Variants in BLTP2 observed in about 807,000 individuals in gnomAD.
BLTP2 encodes the protein bridge-like lipid transfer protein family member 2.
the BLTP2 span, among the ~76,000 whole-genome samples, chr17:28,630,753 G>A: frequency 3.1e-4 from 47 of 152,000 alleles, no homozygotes; most frequent in Admixed American, 3.1e-3. Flanking sequence ...CAAAGTGCTG[G>A]GATTACAGGC....
the BLTP2 span, chr17:28,634,089 G>C: frequency 6.2e-7 from 1 of 1,613,706 alleles, no homozygotes. Context: ...GATCCGAACT[G>C]TTACCAGAGG....
the BLTP2 span, among the ~76,000 whole-genome samples, chr17:28,628,717 G>A: frequency 1.3e-5 from 2 of 152,132 alleles, no homozygotes; most frequent in Non-Finnish European, 2.9e-5. Context: ...GGCAAATCAC[G>A]AGATCAGGAG....
At chr17:28,629,856 C>G in the BLTP2 span, among the ~76,000 whole-genome samples, 8 of 152,088 alleles carry the variant, frequency 5.3e-5, no homozygotes, top group African/African-American at 1.9e-4. Flanking sequence ...CTCGACTGAT[C>G]CATCTGCCTC....
At chr17:28,631,289 AG>A in the BLTP2 span, among the ~76,000 whole-genome samples, 5 of 152,214 alleles carry the variant, frequency 3.3e-5, no homozygotes, top group Non-Finnish European at 1.5e-5. Context: ...TCTGCAAGCC[AG>A]GAAGACAGCC....
chr17:28,621,534 GAA>G, the BLTP2 span: 8 of 1,500,152 alleles, frequency 5.3e-6, no homozygotes, highest in Non-Finnish European at 6.5e-6. Context: ...TAGCTCCTGG[GAA>G]AAGAGTGGCT....
At chr17:28,631,956 C>T in the BLTP2 span, 1 of 1,610,198 alleles carries the variant, frequency 6.2e-7, no homozygotes. Flanking sequence ...CAAAGGATGG[C>T]ATGAGAGGGA....
the BLTP2 span, chr17:28,620,974 C>A: frequency 6.2e-7 from 1 of 1,612,356 alleles, no homozygotes; most frequent in South Asian, 1.1e-5. Flanking sequence ...AAAAGCCTTT[C>A]AAGCCCTGAA....
At chr17:28,624,411 A>G in the BLTP2 span, 5 of 1,605,882 alleles carry the variant, frequency 3.1e-6, no homozygotes, top group Admixed American at 8.5e-5. Flanking sequence ...AATAGGAAGC[A>G]GGGAAAGGTC....
At chr17:28,624,429 C>CA in the BLTP2 span, 1 of 1,585,960 alleles carries the variant, frequency 6.3e-7, no homozygotes, top group Non-Finnish European at 8.6e-7. Flanking sequence ...GTCACAGTCT[C>CA]AAAGGGAAAG....
chr17:28,631,632 C>T, the BLTP2 span: 1 of 1,614,076 alleles, frequency 6.2e-7, no homozygotes, highest in African/African-American at 1.3e-5. Flanking sequence ...GGTCACTCAC[C>T]ATCTGGGTAA....
At chr17:28,615,794 TCA>T in the BLTP2 span, 1 of 1,613,710 alleles carries the variant, frequency 6.2e-7, no homozygotes, top group Non-Finnish European at 8.5e-7. Context: ...ACTGTTCTTC[TCA>T]CCCTGTAAGA....
the BLTP2 span, among the ~76,000 whole-genome samples, chr17:28,634,351 G>A: frequency 4.6e-5 from 7 of 151,972 alleles, no homozygotes; most frequent in Middle Eastern, 3.2e-3. Flanking sequence ...GCAATTTCAC[G>A]GTGAAATTCA....
chr17:28,632,468 C>A, the BLTP2 span, among the ~76,000 whole-genome samples: 2 of 152,128 alleles, frequency 1.3e-5, no homozygotes, highest in African/African-American at 4.8e-5. Context: ...TGCTGAAATA[C>A]CCCTAAGGTA....
At chr17:28,645,147 C>T in the BLTP2 span, 4 of 1,097,552 alleles carry the variant, frequency 3.6e-6, no homozygotes, top group South Asian at 2.5e-5. Flanking sequence ...GGCCGACCAG[C>T]TGCGCGCGCA....
the BLTP2 span, chr17:28,620,127 C>A: frequency 4.2e-6 from 4 of 957,926 alleles, no homozygotes; most frequent in Middle Eastern, 2.7e-4. Flanking sequence ...GAAAGCTAAC[C>A]TTTATCTGTC....
the BLTP2 span, chr17:28,617,092 T>C: frequency 1.7e-6 from 2 of 1,168,204 alleles, no homozygotes; most frequent in Non-Finnish European, 2.5e-6. Context: ...GGAGAAGCAA[T>C]GGTACTGCTA....
At chr17:28,638,396 T>C in the BLTP2 span, 3 of 1,614,120 alleles carry the variant, frequency 1.9e-6, no homozygotes, top group Admixed American at 3.3e-5. Flanking sequence ...GGATGCTTTG[T>C]GGCCTGAGGT....
chr17:28,621,242 G>T, the BLTP2 span: 1 of 1,529,242 alleles, frequency 6.5e-7, no homozygotes, highest in Non-Finnish European at 9.0e-7. Context: ...TCCCAGCTAT[G>T]TCTCAGAAAC....
chr17:28,619,840 T>C, the BLTP2 span: 6 of 1,613,308 alleles, frequency 3.7e-6, no homozygotes, highest in East Asian at 6.7e-5. Context: ...GTTCTCAAAC[T>C]ATCTATCTGC....
Sources: allele counts gnomAD v4.1 joint callset (sites outside exome capture counted in the v4.1 genomes callset), GRCh38; gene constraint gnomAD v4.1.1; transcripts MANE v1.5; gene names NCBI Gene and HGNC (gene_info 2026-07-23, HGNC 2026-07-21).